Variants in CHD7 observed in about 807,000 individuals in gnomAD.
CHD7 encodes the protein chromodomain helicase DNA binding protein 7, also known as ATP-dependent chromatin remodeler CHD7.
CHD7 carries 24 observed loss-of-function variants against 307.3 expected under a neutral mutation model. The observed-to-expected ratio is 0.08, with a 90% CI of 0.06 to 0.11. The LOEUF (loss-of-function observed/expected upper bound fraction) is 0.11. Ranked by LOEUF, CHD7 falls within the 10% of genes least tolerant of loss-of-function variation. CHD7 has a pLI of 1.00. For synonymous variants in CHD7, 1,363 were observed against 1,349.9 expected, an observed-to-expected ratio of 1.01 and a Z score of -0.21; for missense variants, 3,106 against 3,727.1, an observed-to-expected ratio of 0.83 and a Z score of 4.34.
chr8:60,717,711 A>C (rs892327879), intron 1 of CHD7, among the ~76,000 whole-genome samples: 4 of 135,542 alleles, frequency 3.0e-5, no homozygotes. Context: ...ATGAGATTAT[A>C]ATGGAGCTGA....
chr8:60,782,708 T>G (rs1258039425), intron 3 of CHD7, among the ~76,000 whole-genome samples: 1 of 152,226 alleles, frequency 6.6e-6, no homozygotes, highest in Non-Finnish European at 1.5e-5. Flanking sequence ...TTTGTGAACA[T>G]GTTTTTAAAC....
intron 1 of CHD7, among the ~76,000 whole-genome samples, chr8:60,737,510 G>T (rs1185862848): frequency 2.6e-5 from 4 of 152,158 alleles, no homozygotes; most frequent in Admixed American, 2.6e-4. Flanking sequence ...AAGGTCTTCA[G>T]AGTGCTTCCT....
intron 33 of CHD7, 55 bp from the exon 34 acceptor site, chr8:60,856,390 A>G (rs999673585): frequency 6.7e-7 from 1 of 1,486,532 alleles, no homozygotes. Flanking sequence ...GCCAGCCCAT[A>G]TAGCAGTACT....
rs1426578628 is a variant in CHD7, at chr8:60,741,538, C to T, written c.106C>T (p.Pro36Ser). The T allele has an allele frequency of 6.2e-6, 10 of 1,613,332 alleles. No individual in the cohort carries two copies. In the Admixed American group the frequency reaches 1.5e-4, roughly 24 times the overall value. ...TGGTTACCCGGAAAATCCAGTAAAT[C>T]CTATGGGTCAGCAAATGCCAATAGA... ...ECGYPENPVNPMGQQMPIDQG... is the reference protein window; with the variant it reads ...ECGYPENPVNSMGQQMPIDQG... The change falls in exon 2 of 38, where the codon CCT becomes TCT. Residue 36 changes from proline (P) to serine (S), a missense_variant. Coordinates refer to ENST00000423902, the MANE Select transcript of CHD7 (RefSeq NM_017780.4).
rs560889012 is a variant in CHD7, at chr8:60,762,597, A to G, written c.1666-18403A>G. On this transcript the variant is annotated intron_variant, in intron 2 of 37. Coordinates refer to ENST00000423902, the MANE Select transcript of CHD7 (RefSeq NM_017780.4). ...AGATAATACATGTACTGTGCTTAGAATTGTGCTTGGTACATAGTAAGTTGT... is the reference window on the plus strand; with the variant it reads ...AGATAATACATGTACTGTGCTTAGAGTTGTGCTTGGTACATAGTAAGTTGT... Among the ~76,000 whole-genome samples the G allele has an allele frequency of 2.0e-5, 3 of 152,288 alleles. No homozygotes were observed. The East Asian group carries it at 5.8e-4, about 29-fold the overall frequency.
In CHD7 at chr8:60,818,765, A is replaced by G. The variant is rs542402193; in HGVS notation, c.2614-1242A>G. On this transcript the variant is annotated intron_variant, in intron 8 of 37. Transcript: ENST00000423902. ...TGAGCAGATGATGACTGAACTGCTT[A>G]TCTTTTCCACCTGCAATTCAAGGGA... Among the ~76,000 whole-genome samples the G allele has an allele frequency of 3.9e-5, 6 of 152,374 alleles. No individual in the cohort carries two copies. In the South Asian group the frequency reaches 1.2e-3, roughly 32 times the overall value.
chr8:60,726,543 A>G (rs1586222657), intron 1 of CHD7, among the ~76,000 whole-genome samples: 1 of 152,248 alleles, frequency 6.6e-6, no homozygotes, highest in Non-Finnish European at 1.5e-5. Context: ...GATCGTCTGC[A>G]CTGAGTGCTA....
intron 1 of CHD7, among the ~76,000 whole-genome samples, chr8:60,708,650 C>T (rs949895687): frequency 3.9e-5 from 6 of 152,228 alleles, no homozygotes; most frequent in African/African-American, 4.8e-5. Flanking sequence ...TCCCTAAACA[C>T]TCAGTCGTTT....
chr8:60,745,903 G>A (rs969022682), intron 2 of CHD7, among the ~76,000 whole-genome samples: 3 of 152,174 alleles, frequency 2.0e-5, no homozygotes, highest in Non-Finnish European at 4.4e-5. Context: ...CATATACCGA[G>A]TGCCTAGTAT....
chr8:60,803,287 G>T (rs1360082115), intron 6 of CHD7, among the ~76,000 whole-genome samples: 2 of 152,166 alleles, frequency 1.3e-5, no homozygotes, highest in Non-Finnish European at 2.9e-5. Flanking sequence ...GCTTCAGCAG[G>T]CATACTCAGC....
intron 16 of CHD7, 77 bp downstream of exon 16, chr8:60,836,360 A>G: frequency 8.2e-7 from 1 of 1,215,488 alleles, no homozygotes; most frequent in Non-Finnish European, 1.1e-6. Context: ...TCCACCTAAA[A>G]GTGGAATCTA....
chr8:60,850,267 G>A (rs980569838), intron 25 of CHD7, among the ~76,000 whole-genome samples: 3 of 152,220 alleles, frequency 2.0e-5, no homozygotes, highest in Non-Finnish European at 4.4e-5. Context: ...ATTAGTGTTT[G>A]TGGTAATTCT....
intron 8 of CHD7, among the ~76,000 whole-genome samples, chr8:60,819,039 C>A (rs538581422): frequency 6.6e-6 from 1 of 152,062 alleles, no homozygotes; most frequent in African/African-American, 2.4e-5. Flanking sequence ...CTGCAACCTC[C>A]GCCTCCCGGG....
chr8:60,756,071 T>C (rs1809874911), intron 2 of CHD7, among the ~76,000 whole-genome samples: 1 of 152,216 alleles, frequency 6.6e-6, no homozygotes, highest in Non-Finnish European at 1.5e-5. Context: ...TTTATTTGAT[T>C]TTAATTTAAA....
At chr8:60,709,738 A>G (rs1451158195) in intron 1 of CHD7, among the ~76,000 whole-genome samples, 3 of 152,222 alleles carry the variant, frequency 2.0e-5, no homozygotes, top group South Asian at 2.1e-4. Context: ...TTGCTGGACT[A>G]TATAGTAGCC....
intron 1 of CHD7, among the ~76,000 whole-genome samples, chr8:60,698,066 A>C (rs1418445105): frequency 6.6e-6 from 1 of 152,248 alleles, no homozygotes; most frequent in Non-Finnish European, 1.5e-5. Flanking sequence ...AAATCTATTA[A>C]AACTCACAGT....
intron 13 of CHD7, among the ~76,000 whole-genome samples, chr8:60,826,163 G>A (rs1804246339): frequency 6.6e-6 from 1 of 152,084 alleles, no homozygotes; most frequent in Admixed American, 6.5e-5. Flanking sequence ...GCCACACTCA[G>A]GTAAAAAGAG....
chr8:60,787,547 G>A, intron 3 of CHD7, among the ~76,000 whole-genome samples: 1 of 151,806 alleles, frequency 6.6e-6, no homozygotes, highest in Non-Finnish European at 1.5e-5. Flanking sequence ...TGGAGAGTGT[G>A]AATCAAGAAA....
chr8:60,852,469 G>GT (rs1805498309), intron 29 of CHD7, 29 bp from the exon 30 acceptor site: 34 of 1,578,886 alleles, frequency 2.2e-5, no homozygotes, highest in Non-Finnish European at 2.8e-5. Flanking sequence ...CCTGAAGTAT[G>GT]ATGCAAGCTA....
Sources: gnomAD v4.1 joint callset for allele counts (sites outside exome capture counted in the v4.1 genomes callset) on GRCh38, gnomAD v4.1.1 for gene constraint, MANE v1.5 for transcripts, NCBI Gene and HGNC (gene_info 2026-07-23, HGNC 2026-07-21) for gene names.